The following SLFN12L variants were observed in gnomAD, a reference collection of about 807,000 sequenced individuals.
SLFN12L encodes schlafen family member 12-like.
Under a neutral mutation model 34.8 loss-of-function variants are expected in SLFN12L, and 34 were observed. The ratio of observed to expected loss-of-function variants is 0.98; its 90% CI spans 0.74 to 1.30. SLFN12L has a LOEUF of 1.30. Among genes scored for constraint, SLFN12L ranks in the 50% most tolerant of loss-of-function variants. The pLI, the probability that SLFN12L is intolerant of heterozygous loss-of-function variation, is 0.00. For missense variants in SLFN12L, 703 were observed against 696.2 expected (o/e 1.01, Z -0.11); for synonymous variants, 259 against 247.5 (o/e 1.05, Z -0.44).
chr17:35,509,729 G>A (rs555793496), intron 2 of SLFN12L, among the ~76,000 whole-genome samples: 7 of 149,504 alleles, frequency 4.7e-5, no homozygotes, highest in South Asian at 4.2e-4. Context: ...ACAGAGTCTC[G>A]CTGTGTCCCC....
At chr17:35,500,728 C>CA (rs35924671) in intron 2 of SLFN12L, among the ~76,000 whole-genome samples, 10,394 of 132,544 alleles carry the variant, frequency 0.078, 721 homozygotes, top group African/African-American at 0.18. Flanking sequence ...GACTCTGTCT[C>CA]AAAAAAAAAA....
At chr17:35,511,584 T>C (rs12051700) in intron 2 of SLFN12L, among the ~76,000 whole-genome samples, 27 of 148,414 alleles carry the variant, frequency 1.8e-4, no homozygotes, top group South Asian at 6.5e-4. Flanking sequence ...CACACACACA[T>C]ACACACACAC....
In SLFN12L at chr17:35,499,908, T is replaced by C. The variant is rs77158419; in HGVS notation, c.87-19713A>G. 0.011 allele frequency: 1,792 copies of C among 158,634 alleles called. 105 individuals carry two copies. In the East Asian group the frequency reaches 0.18, roughly 16 times the overall value. 9.8% of individuals were successfully genotyped at this position (158,634 alleles called of 1,614,324 possible). A position where few individuals can be genotyped will look rare whatever the true frequency, so the allele number is the denominator to read the frequency against. On this transcript the variant is annotated intron_variant, in intron 2 of 4. Transcript: ENST00000628453. ...AGAAAAAAATGTAGGCCAAGGAAGATAGAAATTAAACTTCACAGAGTTAAC... is the reference window on the plus strand; with the variant it reads ...AGAAAAAAATGTAGGCCAAGGAAGACAGAAATTAAACTTCACAGAGTTAAC...
intron 2 of SLFN12L, chr17:35,498,460 T>A (rs535955607): frequency 2.0e-5 from 26 of 1,272,676 alleles, no homozygotes; most frequent in Non-Finnish European, 2.8e-5. Context: ...AATTTTCTCA[T>A]CGATTCTGAT....
rs767693278 is a variant in SLFN12L at position 35,479,526 on chromosome 17, C to T, written c.756G>A (p.Ser252=). The change falls in exon 3 of 5, where the codon TCG becomes TCA. Residue 252 remains serine (S), a synonymous_variant. Coordinates refer to ENST00000628453, the MANE Select transcript of SLFN12L (RefSeq NM_001363830.2). Reference sequence around the variant, plus strand: ...TAATTCGTTGTAACAACTTTTCAGTCGAGAAGTTTTTTATTTCAACGTGTG... The same window carrying T: ...TAATTCGTTGTAACAACTTTTCAGTTGAGAAGTTTTTTATTTCAACGTGTG... The part of the protein sequence containing the change: ...ESTHVEIKNF[S]TEKLLQRITE... The T allele has an allele frequency of 1.1e-5, 17 of 1,614,014 alleles. No individual in the cohort carries two copies. The African/African-American group carries it at 1.5e-4, about 14-fold the overall frequency.
intron 2 of SLFN12L, among the ~76,000 whole-genome samples, chr17:35,494,889 T>A (rs8066752): frequency 0.019 from 2,808 of 146,912 alleles, 88 homozygotes; most frequent in African/African-American, 0.067. Flanking sequence ...AATTTATTTA[T>A]TTTATTTATT....
chr17:35,505,967 T>G (rs1329132176), intron 2 of SLFN12L, among the ~76,000 whole-genome samples: 1 of 152,178 alleles, frequency 6.6e-6, no homozygotes, highest in African/African-American at 2.4e-5. Flanking sequence ...ACAGTCTTAT[T>G]TTATGCTTAT....
At chr17:35,514,179 G>A (rs116099725) in intron 2 of SLFN12L, among the ~76,000 whole-genome samples, 5 of 152,186 alleles carry the variant, frequency 3.3e-5, no homozygotes, top group Non-Finnish European at 7.3e-5. Flanking sequence ...TAAATGCAAG[G>A]AGATAATTGC....
At chr17:35,499,261 T>C in intron 2 of SLFN12L, 1 of 818,244 alleles carries the variant, frequency 1.2e-6, no homozygotes, top group South Asian at 1.7e-5. Flanking sequence ...TATCTTAGAA[T>C]GGACTTCCTA....
chr17:35,474,843 A>G lies in SLFN12L; in HGVS notation c.*80T>C, dbSNP rs1414049603. The G allele has an allele frequency of 7.3e-7, 1 of 1,378,694 alleles. No individual in the cohort carries two copies. Among genetic ancestry groups the G allele is most frequent in the East Asian group, 2.5e-5 (1 of 39,674 alleles). 85.4% of individuals were successfully genotyped at this position (1,378,694 alleles called of 1,614,324 possible). A position where few individuals can be genotyped will look rare whatever the true frequency, so the allele number is the denominator to read the frequency against. On this transcript the variant is annotated 3_prime_UTR_variant, in exon 5 of 5. Transcript: ENST00000628453. Reference sequence around the variant, plus strand: ...GCTACTCGGGAGGCTGAGGCAGGGAATTGCTTGAACCCAGGAGGCAGAGGT... The same window carrying G: ...GCTACTCGGGAGGCTGAGGCAGGGAGTTGCTTGAACCCAGGAGGCAGAGGT...
At chr17:35,491,061 A>G in intron 2 of SLFN12L, 1 of 784,740 alleles carries the variant, frequency 1.3e-6, no homozygotes, top group Non-Finnish European at 2.4e-6. Flanking sequence ...ATTCCTTCTA[A>G]TCCTCTAGTA....
chr17:35,481,261 C>CG (rs1411913393), intron 2 of SLFN12L, among the ~76,000 whole-genome samples: 1 of 152,070 alleles, frequency 6.6e-6, no homozygotes, highest in Non-Finnish European at 1.5e-5. Context: ...TCCCTTTCCC[C>CG]GGGGGAGTTA....
intron 2 of SLFN12L, chr17:35,498,806 T>G (rs1915189067): frequency 1.1e-6 from 1 of 870,900 alleles, no homozygotes; most frequent in African/African-American, 1.7e-5. Context: ...TTATTCATCT[T>G]GATGTGCAGC....
chr17:35,480,235 A>C (rs1298403824), intron 2 of SLFN12L, 40 bp from the exon 3 acceptor site: 2 of 1,437,562 alleles, frequency 1.4e-6, no homozygotes, highest in South Asian at 2.9e-5. Context: ...TAAGCCTGAG[A>C]GACAGCAAAT....
chr17:35,511,119 A>G (rs984868962), intron 2 of SLFN12L, among the ~76,000 whole-genome samples: 2 of 152,150 alleles, frequency 1.3e-5, no homozygotes, highest in African/African-American at 2.4e-5. Context: ...GTATTTCTCA[A>G]TTGTAATTTT....
rs187445656 is a variant in SLFN12L at position 35,471,954 on chromosome 17, G to A, written c.*2969C>T. On this transcript the variant is annotated 3_prime_UTR_variant, in exon 5 of 5. Coordinates refer to ENST00000628453, the MANE Select transcript of SLFN12L (RefSeq NM_001363830.2). The stretch of plus-strand genomic sequence containing the variant: ...TGTTTAAGTTCCTTGTACATTCTGG[G>A]TATTAGACCTTTGTCAGATGGGTAG... Among the ~76,000 whole-genome samples, 231 of 152,032 alleles carry A rather than the reference G, an allele frequency of 1.5e-3. 1 individual carries two copies. The highest frequency in any genetic ancestry group is 5.3e-3 in the African/African-American group (221 of 41,480).
chr17:35,490,140 C>A (rs1914775495), intron 2 of SLFN12L: 1 of 1,606,558 alleles, frequency 6.2e-7, no homozygotes, highest in Non-Finnish European at 8.5e-7. Flanking sequence ...CTCTACACCA[C>A]GCCGCAGGGA....
At chr17:35,478,285 T>C in intron 3 of SLFN12L, 100 bp from the exon 4 acceptor site, 1 of 690,086 alleles carries the variant, frequency 1.4e-6, no homozygotes. Flanking sequence ...TACTTAGAAC[T>C]GATCCTGCAT....
chr17:35,521,682 T>G lies in SLFN12L; in HGVS notation c.86+597A>C, dbSNP rs570885528. Among the ~76,000 whole-genome samples the G allele has an allele frequency of 8.3e-4, 127 of 152,232 alleles. 1 individual carries two copies. Among genetic ancestry groups the G allele is most frequent in the East Asian group, 3.9e-4 (2 of 5,156 alleles). On this transcript the variant is annotated intron_variant, in intron 2 of 4. Coordinates refer to ENST00000628453, the MANE Select transcript of SLFN12L (RefSeq NM_001363830.2). ...CAGGGATATGGTGAACTATGATCAC[T>G]CCAGCTTGAGCTACATAATTGTTTT... is the stretch of plus-strand genomic sequence containing the variant.
Sources: allele counts gnomAD v4.1 joint callset (sites outside exome capture counted in the v4.1 genomes callset), GRCh38; gene constraint gnomAD v4.1.1; transcripts MANE v1.5; gene names NCBI Gene and HGNC (gene_info 2026-07-23, HGNC 2026-07-21).